Variants in AKIRIN2 observed in about 807,000 individuals in gnomAD.
AKIRIN2 encodes akirin 2, also known as akirin-2.
In AKIRIN2, 6 loss-of-function variants were observed where a neutral mutation model predicts 29.3. The observed-to-expected ratio is 0.20, with a 90% CI of 0.11 to 0.40. The LOEUF (loss-of-function observed/expected upper bound fraction) is 0.40. Among genes scored for constraint, AKIRIN2 ranks in the 10% least tolerant of loss-of-function variants. AKIRIN2 has a pLI of 1.00. For missense variants in AKIRIN2, 210 were observed against 276.1 expected (o/e 0.76, Z 1.70); for synonymous variants, 128 against 117.5 (o/e 1.09, Z -0.58).
Position 87,675,489 on chromosome 6 carries a change from T to C in AKIRIN2, c.*108A>G, listed in dbSNP as rs929786127. 5.4e-6 allele frequency: 8 copies of C among 1,488,034 alleles called. No homozygotes were observed. The highest frequency in any genetic ancestry group is 1.7e-5 in the Admixed American group (1 of 57,178). The allele number at this position is 1,488,034 out of a possible 1,614,324, so 92.2% of individuals were successfully genotyped here. On this transcript the variant is annotated 3_prime_UTR_variant, in exon 5 of 5. Transcript: ENST00000257787. ...GGTTGCCACTGACGAAAGCTTGAAA[T>C]AACCTGTATTCACAGAAGGGGTATT...
Position 87,692,859 on chromosome 6 carries a change from G to C in AKIRIN2, c.235+8591C>G, listed in dbSNP as rs145015005. 2.4e-4 allele frequency among the ~76,000 whole-genome samples: 36 copies of C among 151,452 alleles called. No homozygotes were observed. In the East Asian group the frequency reaches 7.0e-3, roughly 29 times the overall value. On this transcript the variant is annotated intron_variant, in intron 1 of 4. Transcript: ENST00000257787. ...AGGAAAGTTAATTTTTAGAAAACAG[G>C]AGTTAGAATAGACATCAGTACTATG...
chr6:87,696,364 A>G (rs540521868), intron 1 of AKIRIN2, among the ~76,000 whole-genome samples: 6 of 152,158 alleles, frequency 3.9e-5, no homozygotes, highest in South Asian at 4.1e-4. Flanking sequence ...TGTTTAGCCT[A>G]TGTGTTGCTG....
chr6:87,699,960 T>C (rs1771430637), intron 1 of AKIRIN2, among the ~76,000 whole-genome samples: 1 of 152,230 alleles, frequency 6.6e-6, no homozygotes, highest in South Asian at 2.1e-4. Context: ...CAATTTCCAA[T>C]GATACCATTT....
chr6:87,680,765 C>A (rs575153185), intron 2 of AKIRIN2, among the ~76,000 whole-genome samples: 8 of 44,512 alleles, frequency 1.8e-4, no homozygotes, highest in Non-Finnish European at 2.9e-4. Flanking sequence ...TATTCCCCGC[C>A]CCCCCCCTTT....
intron 1 of AKIRIN2, among the ~76,000 whole-genome samples, chr6:87,690,561 TATTTC>T (rs2128302211): frequency 6.6e-6 from 1 of 152,364 alleles, no homozygotes; most frequent in African/African-American, 2.4e-5. Flanking sequence ...ATACAATGAT[TATTTC>T]ATCTCTCCTT....
rs75971068 is a variant in AKIRIN2 at position 87,676,059 on chromosome 6, C to A, written c.530-128G>T. The A allele has an allele frequency of 5.5e-3, 3,781 of 693,392 alleles. 92 individuals are homozygous for A. In the African/African-American group the frequency reaches 0.055, roughly 10 times the overall value. The allele number at this position is 693,392 out of a possible 1,614,324, so 43.0% of individuals were successfully genotyped here. A position where few individuals can be genotyped will look rare whatever the true frequency, so the allele number is the denominator to read the frequency against. On this transcript the variant is annotated intron_variant, in intron 3 of 4. Coordinates refer to ENST00000257787, the MANE Select transcript of AKIRIN2 (RefSeq NM_018064.4). ...AATCACTTACATAACCTCAGTAGTA[C>A]TAATAGTGTATCAAATAAAAACAGC...
chr6:87,688,047 G>C (rs919979222), intron 1 of AKIRIN2, among the ~76,000 whole-genome samples: 4 of 152,080 alleles, frequency 2.6e-5, no homozygotes, highest in African/African-American at 9.7e-5. Context: ...TAGAAAGATA[G>C]TTTGATCCCA....
chr6:87,686,512 T>C (rs992647629), intron 1 of AKIRIN2, among the ~76,000 whole-genome samples: 5 of 152,040 alleles, frequency 3.3e-5, no homozygotes, highest in African/African-American at 1.2e-4. Flanking sequence ...ATTTAAGTTC[T>C]AAAAATCTGA....
chr6:87,675,036 G>T lies in AKIRIN2; in HGVS notation c.*561C>A, dbSNP rs1398518757. The T allele has an allele frequency of 6.9e-6, 1 of 144,222 alleles. No homozygotes were observed. Among genetic ancestry groups the T allele is most frequent in the East Asian group, 2.0e-4 (1 of 5,050 alleles). 8.9% of individuals were successfully genotyped at this position (144,222 alleles called of 1,614,324 possible). On this transcript the variant is annotated 3_prime_UTR_variant, in exon 5 of 5. Coordinates refer to ENST00000257787, the MANE Select transcript of AKIRIN2 (RefSeq NM_018064.4). ...GCAATAAACATTTGTTAAAAAGACT[G>T]ATAGAATAAATAAAACTACAAAAAA...
chr6:87,698,254 C>T (rs1045189552), intron 1 of AKIRIN2, among the ~76,000 whole-genome samples: 1 of 152,076 alleles, frequency 6.6e-6, no homozygotes, highest in Non-Finnish European at 1.5e-5. Context: ...TGACACCCCA[C>T]ATGAGGGTAA....
Position 87,681,649 on chromosome 6 carries a change from G to T in AKIRIN2, c.350C>A (p.Ala117Glu), listed in dbSNP as rs772319870. Residue 117 changes from alanine to glutamate, a missense_variant, in exon 2 of 5, where the codon GCA (alanine) becomes GAA (glutamate). Ala to Glu is a moderately radical substitution (Grantham distance 107). Around this residue, in one of 2 missense-constraint regions of AKIRIN2, gnomAD observed 199 missense variants for 236.5 expected, o/e 0.84. Coordinates refer to ENST00000257787, the MANE Select transcript of AKIRIN2 (RefSeq NM_018064.4). ...TGAAGCTGGTCCACTGAGGAGAAAT[G>T]CATGTGGCTGTGCATCAGAAGTACA... ...PCCTSDAQPH[A>E]FLLSGPASPG... is the part of the protein sequence containing the mutation. 1 of 1,611,660 alleles carries T rather than the reference G, an allele frequency of 6.2e-7. No individual in the cohort carries two copies. Among genetic ancestry groups the T allele is most frequent in the South Asian group, 1.1e-5 (1 of 90,262 alleles).
chr6:87,682,428 C>G (rs1159221443), intron 1 of AKIRIN2, among the ~76,000 whole-genome samples: 2 of 152,176 alleles, frequency 1.3e-5, no homozygotes, highest in Non-Finnish European at 2.9e-5. Flanking sequence ...ATAAGAACCA[C>G]TATACCACAG....
intron 1 of AKIRIN2, among the ~76,000 whole-genome samples, chr6:87,694,938 C>G (rs1771334931): frequency 6.6e-6 from 1 of 152,166 alleles, no homozygotes; most frequent in African/African-American, 2.4e-5. Context: ...CTAACATCCA[C>G]TAGAATTTTA....
intron 1 of AKIRIN2, among the ~76,000 whole-genome samples, chr6:87,684,753 C>A (rs1035460237): frequency 6.6e-6 from 1 of 152,068 alleles, no homozygotes; most frequent in Non-Finnish European, 1.5e-5. Context: ...TGTATATATA[C>A]ACACACAGCT....
chr6:87,676,292 A>G (rs2754252), intron 3 of AKIRIN2, among the ~76,000 whole-genome samples: 10,874 of 143,476 alleles, frequency 0.076, 413 homozygotes, highest in East Asian at 0.11. Flanking sequence ...GTGAAACCCC[A>G]TCTCTACTAA....
chr6:87,689,687 AC>A (rs1771248219), intron 1 of AKIRIN2, among the ~76,000 whole-genome samples: 1 of 152,210 alleles, frequency 6.6e-6, no homozygotes, highest in Non-Finnish European at 1.5e-5. Flanking sequence ...AGTGACTGTT[AC>A]CTTTTGGGCC....
At chr6:87,697,689 C>T (rs924026615) in intron 1 of AKIRIN2, among the ~76,000 whole-genome samples, 1 of 152,224 alleles carries the variant, frequency 6.6e-6, no homozygotes, top group African/African-American at 2.4e-5. Context: ...AGGCATGCAT[C>T]AATGTCTGGT....
intron 2 of AKIRIN2, among the ~76,000 whole-genome samples, chr6:87,681,124 G>A (rs987746212): frequency 1.3e-5 from 2 of 151,928 alleles, no homozygotes; most frequent in African/African-American, 4.8e-5. Context: ...TGCAACCTCC[G>A]CCTCCTGGGT....
chr6:87,675,360 C>G lies in AKIRIN2; in HGVS notation c.*237G>C, dbSNP rs557556040. The G allele has an allele frequency of 5.5e-6, 3 of 548,344 alleles. No individual in the cohort carries two copies. The South Asian group carries it at 8.7e-5, about 16-fold the overall frequency. 34.0% of individuals were successfully genotyped at this position (548,344 alleles called of 1,614,324 possible). The stretch of plus-strand genomic sequence containing the variant: ...TATAAGAAGCCAAATTGTAATGATA[C>G]AGCAAAATGAGGCCACTGGTATTAA... On this transcript the variant is annotated 3_prime_UTR_variant, in exon 5 of 5. Transcript: ENST00000257787.
Sources: allele counts gnomAD v4.1 joint callset (sites outside exome capture counted in the v4.1 genomes callset), GRCh38; gene constraint gnomAD v4.1.1; regional missense constraint gnomAD v4.1.1; transcripts MANE v1.5; gene names NCBI Gene and HGNC (gene_info 2026-07-23, HGNC 2026-07-21).